The following SEMA4C variants were observed in gnomAD, a reference collection of about 807,000 sequenced individuals.
The protein encoded by SEMA4C is semaphorin 4C, also known as semaphorin-4C.
Under a neutral mutation model 89.0 loss-of-function variants are expected in SEMA4C, and 19 were observed. The observed-to-expected ratio is 0.21, with a 90% CI of 0.15 to 0.31. SEMA4C has a LOEUF of 0.31. Ranked by LOEUF, SEMA4C falls within the 10% of genes least tolerant of loss-of-function variation. The pLI, the probability that SEMA4C is intolerant of heterozygous loss-of-function variation, is 1.00. For missense variants in SEMA4C, 811 were observed against 1,107.0 expected, an observed-to-expected ratio of 0.73 and a Z score of 3.79; for synonymous variants, 428 against 472.7, an observed-to-expected ratio of 0.91 and a Z score of 1.23.
intron 11 of SEMA4C, 64 bp downstream of exon 11, chr2:96,863,862 T>A: frequency 1.2e-6 from 2 of 1,600,158 alleles, no homozygotes; most frequent in Non-Finnish European, 1.7e-6. Context: ...CAAATCTCCC[T>A]GCCCTGGGCA....
chr2:96,870,637 A>G (rs2080179728), upstream of SEMA4C: 1 of 985,374 alleles, frequency 1.0e-6, no homozygotes, highest in Non-Finnish European at 1.2e-6. Context: ...CCAGCCAGGA[A>G]GACCCTTCAA....
At position 96,861,261 on chromosome 2, in the gene SEMA4C, C is replaced by T; in HGVS notation, c.1867G>A (p.Gly623Arg). ...VVMAAQPRHA[G>R]AYHCFSEEQG... Reference sequence around the variant, plus strand: ...TCCTCTGAAAAGCAGTGGTAGGCCCCGGCATGGCGGGGCTGGGCAGCCATC... The same window carrying T: ...TCCTCTGAAAAGCAGTGGTAGGCCCTGGCATGGCGGGGCTGGGCAGCCATC... Residue 623 changes from glycine to arginine, a missense_variant, in exon 15 of 15, where the codon GGG becomes AGG. By Grantham distance (125) the Gly-to-Arg change is moderately radical (BLOSUM62 -2). This residue lies in a region of SEMA4C where 441 missense variants were observed against 664.9 expected (regional missense o/e 0.66). Transcript: ENST00000305476. This position sits in a 1 kb window ranked among gnomAD's most constrained non-coding sequence, Gnocchi z 7.8. 1 of 1,609,626 alleles carries T rather than the reference C, an allele frequency of 6.2e-7. No individual in the cohort carries two copies. The highest frequency in any genetic ancestry group is 8.5e-7 in the Non-Finnish European group (1 of 1,179,584).
In SEMA4C at chr2:96,860,597, G is replaced by T; in HGVS notation, c.*29C>A. On this transcript the variant is annotated 3_prime_UTR_variant, in exon 15 of 15. Transcript: ENST00000305476. ...CAAAAGTAGGAGCTACACCTCCCACGCTTCCCGCCGACGCGGTGGGGGTTC... is the reference window on the plus strand; with the variant it reads ...CAAAAGTAGGAGCTACACCTCCCACTCTTCCCGCCGACGCGGTGGGGGTTC... 1 of 1,558,802 alleles carries T rather than the reference G, an allele frequency of 6.4e-7. No individual in the cohort carries two copies. Among genetic ancestry groups the T allele is most frequent in the Non-Finnish European group, 8.7e-7 (1 of 1,149,116 alleles).
At chr2:96,866,819 C>A in intron 2 of SEMA4C, 1 of 369,128 alleles carries the variant, frequency 2.7e-6, no homozygotes, top group Non-Finnish European at 5.3e-6. Flanking sequence ...CCCACTGCCT[C>A]TATCAGAGTC....
chr2:96,869,295 T>C, intron 1 of SEMA4C: 1 of 985,198 alleles, frequency 1.0e-6, no homozygotes, highest in Non-Finnish European at 1.2e-6. Flanking sequence ...GGAGGAGGGG[T>C]TGGGGGGAGG....
rs887379474 is a variant in SEMA4C, at chr2:96,867,832, T to C, written c.55A>G (p.Ile19Val). Residue 19 changes from isoleucine (I) to valine (V), a missense_variant, in exon 2 of 15, where the codon ATT (isoleucine) becomes GTT (valine). Physicochemically the swap from Ile to Val is conservative, Grantham distance 29. Coordinates refer to ENST00000305476, the MANE Select transcript of SEMA4C (RefSeq NM_017789.5). ...LLAARLWGLGIGAEVWWNLVP... is the reference protein window; with the variant it reads ...LLAARLWGLGVGAEVWWNLVP... ...AGGTTCCACCACACCTCAGCCCCAA[T>C]GCCCAGGCCCCACAGCCTTGCTGCC... is the stretch of plus-strand genomic sequence containing the variant. 1.2e-6 allele frequency: 2 copies of C among 1,613,594 alleles called. No homozygotes were observed. Among genetic ancestry groups the C allele is most frequent in the Non-Finnish European group, 1.7e-6 (2 of 1,179,932 alleles).
chr2:96,866,033 A>G (rs1314221398), intron 3 of SEMA4C, 104 bp from the exon 4 acceptor site: 3 of 1,244,410 alleles, frequency 2.4e-6, no homozygotes, highest in Non-Finnish European at 3.5e-6. Context: ...GTGCAGAGGC[A>G]TGGTCCCTAT....
rs1356847602 is a variant in SEMA4C at position 96,861,084 on chromosome 2, G to C, written c.2044C>G (p.Leu682Val). Reference protein sequence around the residue: ...LGAVCLVLLLLVLSLRRRLRE... With the variant: ...LGAVCLVLLLVVLSLRRRLRE... ...AGCCGCCGGCGCAATGACAGCACCA[G>C]CAGCAGCAGCACCAGGCACACAGCC... is the stretch of plus-strand genomic sequence containing the variant. The change falls in exon 15 of 15, where the codon CTG becomes GTG. Residue 682 changes from leucine to valine, a missense_variant. Around this residue, in one of 4 missense-constraint regions of SEMA4C, gnomAD observed 248 missense variants for 269.0 expected, o/e 0.92. Transcript: ENST00000305476. This position sits in a 1 kb window ranked among gnomAD's most constrained non-coding sequence, Gnocchi z 7.8. The C allele has an allele frequency of 2.5e-6, 4 of 1,611,666 alleles. No individual in the cohort carries two copies. Among genetic ancestry groups the C allele is most frequent in the African/African-American group, 2.7e-5 (2 of 74,884 alleles).
chr2:96,864,952 G>A lies in SEMA4C; in HGVS notation c.786+12C>T, dbSNP rs775496216. Reference sequence around the variant, plus strand: ...CAGGGCTCCCAGGGCCCACCGCTGTGAGACTCGGTACCTTGCAGACACGGG... The same window carrying A: ...CAGGGCTCCCAGGGCCCACCGCTGTAAGACTCGGTACCTTGCAGACACGGG... On this transcript the variant is annotated intron_variant, in intron 8 of 14. Coordinates refer to ENST00000305476, the MANE Select transcript of SEMA4C (RefSeq NM_017789.5). The surrounding 1 kb of genome is among the most constrained non-coding windows in gnomAD (Gnocchi z 6.3). The A allele has an allele frequency of 1.9e-6, 3 of 1,597,306 alleles. No individual in the cohort carries two copies. Among genetic ancestry groups the A allele is most frequent in the Admixed American group, 3.5e-5 (2 of 57,052 alleles).
intron 2 of SEMA4C, chr2:96,866,759 C>A: frequency 2.3e-6 from 1 of 438,858 alleles, no homozygotes; most frequent in Non-Finnish European, 4.3e-6. Context: ...GCTGGGCACC[C>A]CCACCCCACC....
chr2:96,869,609 G>A, intron 1 of SEMA4C: 1 of 985,192 alleles, frequency 1.0e-6, no homozygotes, highest in Non-Finnish European at 1.2e-6. Context: ...CCGCGGACCG[G>A]ACCGCGCGAG....
chr2:96,863,760 C>T lies in SEMA4C; in HGVS notation c.1365G>A (p.Gly455=), dbSNP rs1559033021. Residue 455 remains glycine, a synonymous_variant, in exon 12 of 15, where the codon GGG becomes GGA. Transcript: ENST00000305476. Reference sequence around the variant, plus strand: ...GCTCCTCAATCAGGTGAACCCAGGGCCCCAGGCTCACAGCCTTGAGCAGCC... The same window carrying T: ...GCTCCTCAATCAGGTGAACCCAGGGTCCCAGGCTCACAGCCTTGAGCAGCC... The part of the protein sequence containing the change: ...DGWLLKAVSL[G]PWVHLIEELQ... 1.1e-5 allele frequency: 18 copies of T among 1,613,968 alleles called. No individual in the cohort carries two copies. Among genetic ancestry groups the T allele is most frequent in the Non-Finnish European group, 1.4e-5 (17 of 1,180,040 alleles).
Position 96,861,956 on chromosome 2 carries a change from C to A in SEMA4C, c.1444-62G>T. The A allele has an allele frequency of 6.6e-7, 1 of 1,524,698 alleles. No individual in the cohort carries two copies. Among genetic ancestry groups the A allele is most frequent in the South Asian group, 1.2e-5 (1 of 82,324 alleles). 94.4% of individuals were successfully genotyped at this position (1,524,698 alleles called of 1,614,324 possible). A position where few individuals can be genotyped will look rare whatever the true frequency, so the allele number is the denominator to read the frequency against. ...AGGGCCACACCACGGGAGGGGCGGC[C>A]GGACCAGAACGCAGCATGGGGACAG... On this transcript the variant is annotated intron_variant, in intron 12 of 14. Coordinates refer to ENST00000305476, the MANE Select transcript of SEMA4C (RefSeq NM_017789.5). The surrounding 1 kb of genome is among the most constrained non-coding windows in gnomAD (Gnocchi z 7.8).
At chr2:96,863,558 A>G (rs1435635336) in intron 12 of SEMA4C, 124 bp downstream of exon 12, 1 of 1,241,066 alleles carries the variant, frequency 8.1e-7, no homozygotes, top group Non-Finnish European at 1.1e-6. Context: ...GTGCATCCAC[A>G]TGTGTGTGTG....
Position 96,865,427 on chromosome 2 carries a change from G to A in SEMA4C, c.517+14C>T, listed in dbSNP as rs1203292700. On this transcript the variant is annotated intron_variant, in intron 6 of 14. Transcript: ENST00000305476. ...CAAGGACTCACCCAGCCTGCATGGGGGGCAGCCACTCACCCACAAGAAGGC... is the reference window on the plus strand; with the variant it reads ...CAAGGACTCACCCAGCCTGCATGGGAGGCAGCCACTCACCCACAAGAAGGC... 5.6e-6 allele frequency: 9 copies of A among 1,613,058 alleles called. No homozygotes were observed. Among genetic ancestry groups the A allele is most frequent in the Non-Finnish European group, 7.6e-6 (9 of 1,179,218 alleles).
In SEMA4C at chr2:96,861,805, G is replaced by A. The variant is rs758165943; in HGVS notation, c.1533C>T (p.Leu511=). The stretch of plus-strand genomic sequence containing the variant: ...TCCAGGCGCAATAGGGGTCCCGGGC[G>A]AGGACACAGTCTGCACAGGAGCGAT... ...MKYRSCADCV[L]ARDPYCAWSV... is the part of the protein sequence containing the mutation. Residue 511 remains leucine (L), a synonymous_variant, in exon 13 of 15, where the codon CTC becomes CTT. Transcript: ENST00000305476. The surrounding 1 kb of genome is among the most constrained non-coding windows in gnomAD (Gnocchi z 7.8). 17 of 1,613,130 alleles carry A rather than the reference G, an allele frequency of 1.1e-5. No homozygotes were observed. Among genetic ancestry groups the A allele is most frequent in the South Asian group, 4.4e-5 (4 of 91,086 alleles).
chr2:96,859,747 T>C lies in SEMA4C; in HGVS notation c.*879A>G, dbSNP rs2079899731. 1 of 152,212 alleles carries C rather than the reference T, an allele frequency of 6.6e-6. No homozygotes were observed. The highest frequency in any genetic ancestry group is 2.1e-4 in the South Asian group (1 of 4,832). The allele number at this position is 152,212 out of a possible 1,614,324, so 9.4% of individuals were successfully genotyped here. On this transcript the variant is annotated 3_prime_UTR_variant, in exon 15 of 15. Coordinates refer to ENST00000305476, the MANE Select transcript of SEMA4C (RefSeq NM_017789.5). Reference sequence around the variant, plus strand: ...CCCCATCAGAGCAATCGTTTCATTTTCTCCATTTTATTTGTCAATATAAAA... The same window carrying C: ...CCCCATCAGAGCAATCGTTTCATTTCCTCCATTTTATTTGTCAATATAAAA...
Position 96,861,036 on chromosome 2 carries a change from C to G in SEMA4C, c.2092G>C (p.Ala698Pro). ...RRLREELEKG[A>P]KATERTLVYP... ...ACCAAGGTCCTCTCAGTAGCCTTGG[C>G]CCCTTTCTCCAGCTCTTCCCGCAGC... The change falls in exon 15 of 15, where the codon GCC becomes CCC. Residue 698 changes from alanine to proline, a missense_variant. Coordinates refer to ENST00000305476, the MANE Select transcript of SEMA4C (RefSeq NM_017789.5). The surrounding 1 kb of genome is among the most constrained non-coding windows in gnomAD (Gnocchi z 7.8). The G allele has an allele frequency of 3.1e-6, 5 of 1,612,906 alleles. No homozygotes were observed. The highest frequency in any genetic ancestry group is 3.4e-6 in the Non-Finnish European group (4 of 1,179,994).
chr2:96,870,070 G>C lies in SEMA4C; in HGVS notation c.-232C>G, dbSNP rs924839775. ...CCCCGCGCCACCACGGCGGGCGCCGGCTCTTTCTCCAGCGCGGCCGCGGCT... is the reference window on the plus strand; with the variant it reads ...CCCCGCGCCACCACGGCGGGCGCCGCCTCTTTCTCCAGCGCGGCCGCGGCT... On this transcript the variant is annotated 5_prime_UTR_variant, in exon 1 of 15. Coordinates refer to ENST00000305476, the MANE Select transcript of SEMA4C (RefSeq NM_017789.5). The C allele has an allele frequency of 1.0e-6, 1 of 977,316 alleles. No homozygotes were observed. Among genetic ancestry groups the C allele is most frequent in the Non-Finnish European group, 1.2e-6 (1 of 822,420 alleles). The allele number at this position is 977,316 out of a possible 1,614,324, so 60.5% of individuals were successfully genotyped here. A position where few individuals can be genotyped will look rare whatever the true frequency, so the allele number is the denominator to read the frequency against.
Sources: allele counts gnomAD v4.1 joint callset, GRCh38; gene constraint gnomAD v4.1.1; regional missense constraint gnomAD v4.1.1; non-coding constraint Gnocchi (gnomAD v3.1); transcripts MANE v1.5; gene names NCBI Gene and HGNC (gene_info 2026-07-23, HGNC 2026-07-21).